CEMIP: variants seen among roughly 807,000 people sequenced by gnomAD.
The protein encoded by CEMIP is cell migration-inducing and hyaluronan-binding protein.
Under a neutral mutation model 156.9 loss-of-function variants are expected in CEMIP, and 105 were observed. That is an observed-to-expected ratio of 0.67 (90% CI 0.57 to 0.79). CEMIP has a LOEUF of 0.79. Among genes scored for constraint, CEMIP ranks in the 30% least tolerant of loss-of-function variants. The probability of loss-of-function intolerance (pLI) is 0.00; values close to 1 mark genes in which losing one functional copy is unlikely to be tolerated. For missense variants in CEMIP, 1,457 were observed against 1,769.4 expected, an observed-to-expected ratio of 0.82 and a Z score of 3.17; for synonymous variants, 676 against 668.4, an observed-to-expected ratio of 1.01 and a Z score of -0.17.
Position 80,903,945 on chromosome 15 carries a change from A to G in CEMIP, c.1412-2718A>G, listed in dbSNP as rs113758968. The stretch of plus-strand genomic sequence containing the variant: ...GCTTCTGGATCTTAGAACTGTAAAG[A>G]CACATGGCTCTGTGGCCCAAATGAG... On this transcript the variant is annotated intron_variant, in intron 12 of 29. Coordinates refer to ENST00000394685, the MANE Select transcript of CEMIP (RefSeq NM_001293298.2). Among the ~76,000 whole-genome samples the G allele has an allele frequency of 3.3e-4, 51 of 152,314 alleles. 1 individual carries two copies. Among genetic ancestry groups the G allele is most frequent in the African/African-American group, 1.2e-3 (50 of 41,576 alleles).
chr15:80,883,747 C>T (rs1364532822), intron 6 of CEMIP, among the ~76,000 whole-genome samples: 2 of 152,166 alleles, frequency 1.3e-5, no homozygotes, highest in South Asian at 2.1e-4. Flanking sequence ...GTGTTTTACT[C>T]GGATCAGAGA....
At chr15:80,909,892 C>T (rs143967476) in intron 14 of CEMIP, 1 of 311,518 alleles carries the variant, frequency 3.2e-6, no homozygotes, top group Non-Finnish European at 6.4e-6. Flanking sequence ...TAACACTGGA[C>T]ATCACAAAAT....
At chr15:80,780,967 T>C (rs1236890979) in intron 1 of CEMIP, among the ~76,000 whole-genome samples, 1 of 152,168 alleles carries the variant, frequency 6.6e-6, no homozygotes, top group East Asian at 1.9e-4. Flanking sequence ...GTCTGTGGTT[T>C]GTGACCAGGT....
chr15:80,927,117 C>T (rs1318276078), intron 19 of CEMIP, among the ~76,000 whole-genome samples: 2 of 152,236 alleles, frequency 1.3e-5, no homozygotes, highest in Admixed American at 6.5e-5. Flanking sequence ...GCGTGAGCCA[C>T]TGTGCCCAGC....
At chr15:80,839,811 T>C (rs1486266423) in intron 1 of CEMIP, among the ~76,000 whole-genome samples, 1 of 152,164 alleles carries the variant, frequency 6.6e-6, no homozygotes, top group Non-Finnish European at 1.5e-5. Flanking sequence ...TTTTTATTTG[T>C]CCAATATTCC....
At chr15:80,916,269 A>C (rs1021284776) in intron 14 of CEMIP, among the ~76,000 whole-genome samples, 1 of 152,178 alleles carries the variant, frequency 6.6e-6, no homozygotes, top group African/African-American at 2.4e-5. Flanking sequence ...CCCGCCACTG[A>C]AGCAGTCGCT....
chr15:80,931,405 G>A (rs1035248430), intron 21 of CEMIP, among the ~76,000 whole-genome samples: 5 of 152,124 alleles, frequency 3.3e-5, no homozygotes, highest in Non-Finnish European at 7.3e-5. Flanking sequence ...AAACTAAGGC[G>A]ATAATGACTA....
chr15:80,871,365 G>A (rs1898285532), intron 1 of CEMIP, among the ~76,000 whole-genome samples: 1 of 152,204 alleles, frequency 6.6e-6, no homozygotes, highest in Non-Finnish European at 1.5e-5. Context: ...GGAAAAGGGG[G>A]TTGAGCATTA....
At chr15:80,914,534 G>A (rs770574656) in intron 14 of CEMIP, among the ~76,000 whole-genome samples, 2 of 152,146 alleles carry the variant, frequency 1.3e-5, no homozygotes, top group Non-Finnish European at 2.9e-5. Context: ...CAGCCCCAGG[G>A]ACACATCCTC....
At chr15:80,913,423 C>T (rs1213359399) in intron 14 of CEMIP, among the ~76,000 whole-genome samples, 1 of 149,290 alleles carries the variant, frequency 6.7e-6, no homozygotes, top group Admixed American at 6.7e-5. Flanking sequence ...CAACTCCTAA[C>T]TCTTTCTTGA....
At position 80,936,744 on chromosome 15, in the gene CEMIP, C is replaced by A; in HGVS notation, c.3080C>A (p.Pro1027His). The change falls in exon 24 of 30, where the codon CCT becomes CAT. Residue 1027 changes from proline (P) to histidine (H), a missense_variant. By Grantham distance (77) the Pro-to-His change is moderately conservative. Coordinates refer to ENST00000394685, the MANE Select transcript of CEMIP (RefSeq NM_001293298.2). ...KIIKNDFPSH[P>H]LYLEGALTRS... The stretch of plus-strand genomic sequence containing the variant: ...ATCAAGAATGACTTCCCCAGCCACC[C>A]TCTTTACCTGGAGGGGGCGCTCACC... The A allele has an allele frequency of 6.2e-7, 1 of 1,614,192 alleles. No individual in the cohort carries two copies. The highest frequency in any genetic ancestry group is 8.5e-7 in the Non-Finnish European group (1 of 1,180,032).
chr15:80,937,022 C>A, intron 24 of CEMIP, 137 bp downstream of exon 24: 1 of 832,840 alleles, frequency 1.2e-6, no homozygotes, highest in Non-Finnish European at 2.0e-6. Context: ...GGGTTGACAT[C>A]ACCCAGGAGT....
At chr15:80,870,597 C>T (rs1297987498) in intron 1 of CEMIP, among the ~76,000 whole-genome samples, 1 of 152,116 alleles carries the variant, frequency 6.6e-6, no homozygotes, top group African/African-American at 2.4e-5. Flanking sequence ...AGCAGAGACT[C>T]AGGTGCCCGG....
chr15:80,928,239 G>C (rs550516097), intron 19 of CEMIP, among the ~76,000 whole-genome samples: 65 of 152,206 alleles, frequency 4.3e-4, no homozygotes, highest in African/African-American at 1.3e-3. Context: ...ACAGACCCAA[G>C]GCTCAGCTCT....
intron 29 of CEMIP, chr15:80,948,501 C>G (rs1168447099): frequency 2.2e-6 from 1 of 446,972 alleles, no homozygotes; most frequent in African/African-American, 2.0e-5. Flanking sequence ...CCTAGGAGGT[C>G]TCCTCCCTTA....
chr15:80,892,652 G>A (rs991224738), intron 10 of CEMIP, among the ~76,000 whole-genome samples: 2 of 152,170 alleles, frequency 1.3e-5, no homozygotes, highest in African/African-American at 2.4e-5. Flanking sequence ...AGGTGCCCAC[G>A]GTGCAAAATT....
intron 1 of CEMIP, among the ~76,000 whole-genome samples, chr15:80,801,092 A>G (rs1419149708): frequency 6.6e-6 from 1 of 152,194 alleles, no homozygotes; most frequent in African/African-American, 2.4e-5. Flanking sequence ...GCAAACTACC[A>G]TTCATTCTTC....
chr15:80,933,144 T>G, intron 22 of CEMIP, 101 bp from the exon 23 acceptor site: 1 of 1,043,464 alleles, frequency 9.6e-7, no homozygotes, highest in Non-Finnish European at 1.5e-6. Flanking sequence ...TTTGGCTGGC[T>G]TGTAACGTCA....
At chr15:80,781,067 T>G (rs1895779959) in intron 1 of CEMIP, among the ~76,000 whole-genome samples, 1 of 152,100 alleles carries the variant, frequency 6.6e-6, no homozygotes, top group Non-Finnish European at 1.5e-5. Flanking sequence ...CCCTCAGAGC[T>G]GTTAGGAAAG....
Sources: gnomAD v4.1 joint callset for allele counts (sites outside exome capture counted in the v4.1 genomes callset) on GRCh38, gnomAD v4.1.1 for gene constraint, MANE v1.5 for transcripts, NCBI Gene and HGNC (gene_info 2026-07-23, HGNC 2026-07-21) for gene names.